Variants in ARL15 observed in about 807,000 individuals in gnomAD.
ARL15 encodes ADP-ribosylation factor-like protein 15.
A neutral mutation model predicts 25.2 loss-of-function variants in ARL15; 19 were observed. The observed-to-expected ratio is 0.75, with a 90% CI of 0.53 to 1.10. The LOEUF is 1.10. Among genes scored for constraint, ARL15 ranks in the 50% least tolerant of loss-of-function variants. The pLI is 0.00. For missense variants in ARL15, 220 were observed against 246.0 expected, an observed-to-expected ratio of 0.89 and a Z score of 0.71; for synonymous variants, 94 against 86.8, an observed-to-expected ratio of 1.08 and a Z score of -0.46.
intron 1 of ARL15, among the ~76,000 whole-genome samples, chr5:54,271,409 T>C (rs1376843960): frequency 6.6e-6 from 1 of 152,184 alleles, no homozygotes; most frequent in African/African-American, 2.4e-5. Flanking sequence ...TCCTCCTACA[T>C]ACTTTAAATC....
chr5:54,232,629 G>A (rs1756702512), intron 1 of ARL15, among the ~76,000 whole-genome samples: 1 of 152,122 alleles, frequency 6.6e-6, no homozygotes, highest in Admixed American at 6.5e-5. Flanking sequence ...GGGCAGGGGT[G>A]CTTAATTAAA....
chr5:54,083,257 T>C (rs536028241), intron 4 of ARL15, among the ~76,000 whole-genome samples: 118 of 152,330 alleles, frequency 7.7e-4, no homozygotes, highest in African/African-American at 2.7e-3. Context: ...GCTCATATAT[T>C]CTGTTGAGTG....
intron 4 of ARL15, among the ~76,000 whole-genome samples, chr5:54,104,840 C>T (rs1304829091): frequency 6.6e-6 from 1 of 151,894 alleles, no homozygotes; most frequent in Non-Finnish European, 1.5e-5. Flanking sequence ...ATTACAGAAT[C>T]AAGAGGAAGT....
chr5:53,971,505 C>T (rs915173138), intron 4 of ARL15, among the ~76,000 whole-genome samples: 10 of 152,076 alleles, frequency 6.6e-5, no homozygotes, highest in African/African-American at 2.2e-4. Flanking sequence ...GTAGCACTAA[C>T]GTTCAGGTTA....
At chr5:54,037,585 C>G (rs1401610326) in intron 4 of ARL15, among the ~76,000 whole-genome samples, 2 of 152,008 alleles carry the variant, frequency 1.3e-5, no homozygotes, top group African/African-American at 4.8e-5. Context: ...TTTTACCTGC[C>G]AAGTAAAAAT....
chr5:54,032,518 A>G (rs1034000101), intron 4 of ARL15, among the ~76,000 whole-genome samples: 1 of 152,080 alleles, frequency 6.6e-6, no homozygotes, highest in Non-Finnish European at 1.5e-5. Flanking sequence ...TACAGGCGTG[A>G]GCCACTGCAC....
intron 4 of ARL15, among the ~76,000 whole-genome samples, chr5:53,943,324 T>G (rs1170756909): frequency 1.3e-5 from 2 of 152,088 alleles, no homozygotes; most frequent in Non-Finnish European, 2.9e-5. Context: ...AGATTTTTTG[T>G]TTTGATGATT....
intron 1 of ARL15, among the ~76,000 whole-genome samples, chr5:54,288,113 A>G (rs1416558450): frequency 6.6e-6 from 1 of 152,242 alleles, no homozygotes; most frequent in East Asian, 1.9e-4. Flanking sequence ...AGAGGAGAAT[A>G]ACAACCCTGC....
chr5:54,180,084 G>A (rs1232023636), intron 1 of ARL15, among the ~76,000 whole-genome samples: 1 of 150,548 alleles, frequency 6.6e-6, no homozygotes, highest in African/African-American at 2.4e-5. Context: ...AAGCACAGCA[G>A]TAAGGAAAAA....
Position 54,209,482 on chromosome 5 carries a change from T to G in ARL15, c.49-37554A>C, listed in dbSNP as rs544044295. ...TTTCACATAATAAGTTCTATAAGAT[T>G]ATTTGATCTTTTAGAAAATGTTCAT... On this transcript the variant is annotated intron_variant, in intron 1 of 4. Coordinates refer to ENST00000504924, the MANE Select transcript of ARL15 (RefSeq NM_019087.3). 2.7e-4 allele frequency among the ~76,000 whole-genome samples: 41 copies of G among 152,234 alleles called. 1 individual carries two copies. The highest frequency in any genetic ancestry group is 9.4e-4 in the African/African-American group (39 of 41,558).
intron 4 of ARL15, among the ~76,000 whole-genome samples, chr5:54,071,690 G>A (rs1002539477): frequency 1.9e-4 from 29 of 151,954 alleles, no homozygotes; most frequent in African/African-American, 6.5e-4. Flanking sequence ...AAGAGCTACC[G>A]GCCAGGCGCG....
At chr5:54,039,800 TAAAA>T (rs35030165) in intron 4 of ARL15, among the ~76,000 whole-genome samples, 3 of 52,546 alleles carry the variant, frequency 5.7e-5, no homozygotes, top group Admixed American at 6.2e-4. Flanking sequence ...AGACTCTGTC[TAAAA>T]AAAAAAAAAA....
chr5:53,940,689 G>A (rs1746514317), intron 4 of ARL15, among the ~76,000 whole-genome samples: 4 of 152,130 alleles, frequency 2.6e-5, no homozygotes. Flanking sequence ...GGGAGAGAAG[G>A]AAACATGCAT....
chr5:54,143,881 T>A (rs924540374), intron 3 of ARL15, among the ~76,000 whole-genome samples: 1 of 152,022 alleles, frequency 6.6e-6, no homozygotes, highest in South Asian at 2.1e-4. Context: ...GAATATATCA[T>A]CCTATTTTTA....
At chr5:53,994,381 G>C (rs1276669270) in intron 4 of ARL15, among the ~76,000 whole-genome samples, 1 of 152,166 alleles carries the variant, frequency 6.6e-6, no homozygotes, top group Non-Finnish European at 1.5e-5. Context: ...AACAAACCGA[G>C]TGTTTCAGGG....
chr5:53,917,148 G>A (rs928045136), intron 4 of ARL15, among the ~76,000 whole-genome samples: 2 of 152,160 alleles, frequency 1.3e-5, no homozygotes, highest in African/African-American at 4.8e-5. Flanking sequence ...AAGGGAAAGT[G>A]GATATCTGGA....
chr5:54,287,689 T>C (rs1466139441), intron 1 of ARL15, among the ~76,000 whole-genome samples: 1 of 152,126 alleles, frequency 6.6e-6, no homozygotes, highest in Non-Finnish European at 1.5e-5. Flanking sequence ...CATCCTCATT[T>C]TAAGACTTAT....
At chr5:53,960,801 T>C (rs1022848632) in intron 4 of ARL15, among the ~76,000 whole-genome samples, 1 of 152,106 alleles carries the variant, frequency 6.6e-6, no homozygotes, top group Non-Finnish European at 1.5e-5. Flanking sequence ...CAGCTCAGAG[T>C]ATTCCACTTT....
At chr5:54,166,793 C>T (rs1039666165) in intron 2 of ARL15, among the ~76,000 whole-genome samples, 2 of 152,106 alleles carry the variant, frequency 1.3e-5, no homozygotes, top group Non-Finnish European at 2.9e-5. Context: ...TACATCAGTT[C>T]TGGGTCAGTT....
Sources: allele counts gnomAD v4.1 joint callset (sites outside exome capture counted in the v4.1 genomes callset), GRCh38; gene constraint gnomAD v4.1.1; transcripts MANE v1.5; gene names NCBI Gene and HGNC (gene_info 2026-07-23, HGNC 2026-07-21).